Variants in MDGA2 observed in about 807,000 individuals in gnomAD.
MDGA2 encodes the protein MAM domain-containing glycosylphosphatidylinositol anchor protein 2.
MDGA2 carries 40 observed loss-of-function variants against 117.8 expected under a neutral mutation model. The ratio of observed to expected loss-of-function variants is 0.34; its 90% CI spans 0.26 to 0.44. The LOEUF (loss-of-function observed/expected upper bound fraction) is 0.44, where lower values mean the gene tolerates loss of function less well. Among genes scored for constraint, MDGA2 ranks in the 20% least tolerant of loss-of-function variants. The pLI, the probability that MDGA2 is intolerant of heterozygous loss-of-function variation, is 1.00. For synonymous variants in MDGA2, 452 were observed against 439.0 expected (o/e 1.03, Z -0.37); for missense variants, 1,123 against 1,250.6 (o/e 0.90, Z 1.54).
rs145706976 is a variant in MDGA2 at position 47,295,163 on chromosome 14, C to A, written c.420+6248G>T. ...AAAATATTATTCAAATGAAATCTTA[C>A]CCAGAAAGCCAGCATATAAAAAGAA... is the stretch of plus-strand genomic sequence containing the variant. On this transcript the variant is annotated intron_variant, in intron 2 of 16. Transcript: ENST00000399232. Among the ~76,000 whole-genome samples the A allele has an allele frequency of 4.2e-3, 636 of 152,178 alleles. 3 individuals carry two copies. Among genetic ancestry groups the A allele is most frequent in the African/African-American group, 0.015 (613 of 41,526 alleles).
intron 6 of MDGA2, among the ~76,000 whole-genome samples, chr14:47,077,437 TTTGTTTTCTTTTG>T (rs1890536744): frequency 6.6e-6 from 1 of 152,172 alleles, no homozygotes; most frequent in Admixed American, 6.5e-5. Context: ...ACTGTTATTT[TTTGTTTTCTTTTG>T]TTGTTTTCCT....
chr14:47,571,778 G>A (rs1310615595), intron 1 of MDGA2, among the ~76,000 whole-genome samples: 1 of 151,864 alleles, frequency 6.6e-6, no homozygotes, highest in Non-Finnish European at 1.5e-5. Flanking sequence ...GATAGGGGAG[G>A]CATAGCATTA....
Position 47,409,080 on chromosome 14 carries a change from G to A in MDGA2, c.281-107530C>T, listed in dbSNP as rs533675113. On this transcript the variant is annotated intron_variant, in intron 1 of 16. Transcript: ENST00000399232. ...GGCGATAAAACCAGAAAGGCGGGGG[G>A]GACTGGATCATGGCCCTTGGAAACT... 1.1e-3 allele frequency among the ~76,000 whole-genome samples: 160 copies of A among 152,226 alleles called. 1 individual carries two copies. In the South Asian group the frequency reaches 0.032, roughly 31 times the overall value.
chr14:47,412,979 T>C (rs1170515836), intron 1 of MDGA2, among the ~76,000 whole-genome samples: 2 of 152,208 alleles, frequency 1.3e-5, no homozygotes, highest in Non-Finnish European at 2.9e-5. Context: ...TTGAAAACTA[T>C]CAAAATCTCA....
intron 2 of MDGA2, among the ~76,000 whole-genome samples, chr14:47,242,110 T>C (rs1887061461): frequency 1.3e-5 from 2 of 151,900 alleles, no homozygotes; most frequent in African/African-American, 2.4e-5. Context: ...CCTATGAAGA[T>C]TGCTACTATT....
At chr14:47,242,747 CG>C (rs1323745358) in intron 2 of MDGA2, among the ~76,000 whole-genome samples, 3 of 151,788 alleles carry the variant, frequency 2.0e-5, no homozygotes, top group Non-Finnish European at 4.4e-5. Flanking sequence ...GGCCCCTGTG[CG>C]GCCCGAGCCT....
intron 5 of MDGA2, among the ~76,000 whole-genome samples, chr14:47,116,203 C>T (rs1881320963): frequency 6.6e-6 from 1 of 151,962 alleles, no homozygotes; most frequent in Non-Finnish European, 1.5e-5. Context: ...ATAAGCTTAA[C>T]TACGGAAGCA....
chr14:46,841,986 T>C lies in MDGA2; in HGVS notation c.3023A>G (p.His1008Arg). Residue 1008 changes from histidine to arginine, a missense_variant, in exon 17 of 17, where the codon CAT (histidine) becomes CGT (arginine). Transcript: ENST00000399232. ...GACGATAATGGGAAAAAGCCATATA[T>C]GAACCAAAATCCCAACAGCACCATC... Reference protein sequence around the residue: ...SVDGAVGILVHIWLFPIIVLI... With the variant: ...SVDGAVGILVRIWLFPIIVLI... The C allele has an allele frequency of 6.2e-7, 1 of 1,612,422 alleles. No homozygotes were observed. The highest frequency in any genetic ancestry group is 8.5e-7 in the Non-Finnish European group (1 of 1,179,040).
chr14:47,445,125 G>A (rs1290167766), intron 1 of MDGA2, among the ~76,000 whole-genome samples: 1 of 152,110 alleles, frequency 6.6e-6, no homozygotes, highest in East Asian at 1.9e-4. Flanking sequence ...GTGGACAAAA[G>A]TAAGAACAGA....
intron 5 of MDGA2, among the ~76,000 whole-genome samples, chr14:47,112,209 G>A (rs952310212): frequency 2.0e-5 from 3 of 152,136 alleles, no homozygotes; most frequent in African/African-American, 7.2e-5. Flanking sequence ...GAGACAGAAT[G>A]AGAAAATTTT....
At chr14:46,956,827 T>A (rs1471692123) in intron 9 of MDGA2, among the ~76,000 whole-genome samples, 3 of 152,146 alleles carry the variant, frequency 2.0e-5, no homozygotes, top group Non-Finnish European at 4.4e-5. Context: ...GGTAATTGGA[T>A]CATGGGGGTG....
At chr14:46,902,182 AT>A (rs976387821) in intron 10 of MDGA2, among the ~76,000 whole-genome samples, 2 of 152,166 alleles carry the variant, frequency 1.3e-5, no homozygotes, top group African/African-American at 2.4e-5. Context: ...AGTTTAGTTG[AT>A]TTTTTTCAAC....
At chr14:47,026,513 T>C (rs1428578181) in intron 8 of MDGA2, among the ~76,000 whole-genome samples, 3 of 152,030 alleles carry the variant, frequency 2.0e-5, no homozygotes, top group African/African-American at 7.2e-5. Context: ...ATATTATTGT[T>C]GGTATATTTA....
intron 14 of MDGA2, among the ~76,000 whole-genome samples, chr14:46,858,210 A>G (rs1405238087): frequency 2.7e-5 from 4 of 149,902 alleles, no homozygotes; most frequent in Non-Finnish European, 5.9e-5. Context: ...TGTCATCTCC[A>G]GTCTTCTGTT....
chr14:47,448,236 C>A (rs1594861652), intron 1 of MDGA2, among the ~76,000 whole-genome samples: 2 of 152,004 alleles, frequency 1.3e-5, no homozygotes, highest in East Asian at 1.9e-4. Context: ...CTGCAACCTC[C>A]ACCTCCTCGG....
intron 1 of MDGA2, among the ~76,000 whole-genome samples, chr14:47,600,892 C>A (rs1394738176): frequency 4.6e-5 from 7 of 152,072 alleles, no homozygotes; most frequent in Non-Finnish European, 7.3e-5. Context: ...GCAACTTTAA[C>A]AAGAATTTTA....
chr14:47,311,191 A>G (rs886164810), intron 1 of MDGA2, among the ~76,000 whole-genome samples: 12 of 152,288 alleles, frequency 7.9e-5, no homozygotes, highest in Middle Eastern at 3.4e-3. Flanking sequence ...GGAAACATCC[A>G]CAAAGCCCCA....
chr14:46,969,164 G>A (rs146584080), intron 8 of MDGA2, among the ~76,000 whole-genome samples: 1 of 152,234 alleles, frequency 6.6e-6, no homozygotes, highest in Non-Finnish European at 1.5e-5. Context: ...GGACATTTGG[G>A]TTGGTTCCAA....
chr14:46,935,209 T>TA (rs946587361), intron 9 of MDGA2, among the ~76,000 whole-genome samples: 1 of 152,138 alleles, frequency 6.6e-6, no homozygotes, highest in African/African-American at 2.4e-5. Context: ...ATGTACATTA[T>TA]GCCCAATTCC....
Sources: allele counts gnomAD v4.1 joint callset (sites outside exome capture counted in the v4.1 genomes callset), GRCh38; gene constraint gnomAD v4.1.1; transcripts MANE v1.5; gene names NCBI Gene and HGNC (gene_info 2026-07-23, HGNC 2026-07-21).